The following COL11A1 variants were observed in gnomAD, a reference collection of about 807,000 sequenced individuals.
COL11A1 encodes collagen alpha-1(XI) chain.
Under a neutral mutation model 265.2 loss-of-function variants are expected in COL11A1, and 74 were observed. The observed-to-expected ratio is 0.28, with a 90% CI of 0.23 to 0.34. The LOEUF (loss-of-function observed/expected upper bound fraction) is 0.34, where lower values mean the gene tolerates loss of function less well. Among genes scored for constraint, COL11A1 ranks in the 10% least tolerant of loss-of-function variants. The pLI is 1.00. For synonymous variants in COL11A1, 816 were observed against 727.6 expected (o/e 1.12, Z -1.96); for missense variants, 2,165 against 2,263.6 (o/e 0.96, Z 0.88).
chr1:102,991,915 G>T (rs1220336190), intron 28 of COL11A1, among the ~76,000 whole-genome samples: 1 of 151,216 alleles, frequency 6.6e-6, no homozygotes, highest in Non-Finnish European at 1.5e-5. Flanking sequence ...ATGTGATTGG[G>T]CAATGGCAGA....
At chr1:102,878,803 C>G (rs892481064) in intron 66 of COL11A1, among the ~76,000 whole-genome samples, 9 of 151,778 alleles carry the variant, frequency 5.9e-5, no homozygotes, top group Non-Finnish European at 1.2e-4. Flanking sequence ...GACACCACAC[C>G]CAGCCCCTCC....
chr1:102,910,532 C>T (rs1654530663), intron 54 of COL11A1, among the ~76,000 whole-genome samples: 1 of 152,046 alleles, frequency 6.6e-6, no homozygotes, highest in South Asian at 2.1e-4. Context: ...GCTGCTACCA[C>T]ATTTTGAAGC....
At chr1:103,006,494 C>A (rs1210219830) in intron 15 of COL11A1, among the ~76,000 whole-genome samples, 179 bp from the exon 16 acceptor site, 1 of 137,556 alleles carries the variant, frequency 7.3e-6, no homozygotes, top group Non-Finnish European at 1.6e-5. Context: ...AGGTTCATAT[C>A]AAATAAATAC....
At chr1:103,104,430 A>C (rs928120535) in intron 1 of COL11A1, among the ~76,000 whole-genome samples, 2 of 152,074 alleles carry the variant, frequency 1.3e-5, no homozygotes, top group Non-Finnish European at 2.9e-5. Flanking sequence ...AATTGAAGAA[A>C]ATAAAAAACC....
In COL11A1 at chr1:103,063,184, G is replaced by A. The variant is rs372228721; in HGVS notation, c.651+11434C>T. ...CAATACACTCACAATTAATTTCCCA[G>A]CATGTTATTTTGTGGATCTTTCCAA... On this transcript the variant is annotated intron_variant, in intron 4 of 66. Transcript: ENST00000370096. Among the ~76,000 whole-genome samples, 61 of 152,082 alleles carry A rather than the reference G, an allele frequency of 4.0e-4. No individual in the cohort carries two copies. In the East Asian group the frequency reaches 0.01, roughly 26 times the overall value.
At chr1:102,999,101 G>A (rs116677492) in intron 24 of COL11A1, among the ~76,000 whole-genome samples, 2,691 of 151,906 alleles carry the variant, frequency 0.018, 87 homozygotes, top group African/African-American at 0.062. Context: ...CCAGGTCATC[G>A]TTATTGACAC....
chr1:103,015,196 G>C, intron 12 of COL11A1, among the ~76,000 whole-genome samples: 1 of 151,978 alleles, frequency 6.6e-6, no homozygotes, highest in Non-Finnish European at 1.5e-5. Flanking sequence ...CATTGAAATT[G>C]ATAAATAAAA....
intron 53 of COL11A1, 124 bp downstream of exon 53, chr1:102,913,513 A>T (rs1654944814): frequency 2.2e-6 from 2 of 891,040 alleles, no homozygotes; most frequent in Admixed American, 2.3e-5. Context: ...TTTTTTGATA[A>T]TTCTTTCAAA....
intron 3 of COL11A1, among the ~76,000 whole-genome samples, chr1:103,075,586 C>T (rs936235440): frequency 1.3e-5 from 2 of 152,112 alleles, no homozygotes; most frequent in African/African-American, 2.4e-5. Context: ...CATTCCCTAA[C>T]CATACTGTAA....
chr1:102,929,348 A>C (rs922042901), intron 46 of COL11A1, among the ~76,000 whole-genome samples: 1 of 152,094 alleles, frequency 6.6e-6, no homozygotes, highest in Non-Finnish European at 1.5e-5. Context: ...TTAAATAGGG[A>C]ATCCTTTCCC....
At chr1:102,915,822 C>G in intron 49 of COL11A1, 138 bp from the exon 50 acceptor site, 3 of 700,854 alleles carry the variant, frequency 4.3e-6, no homozygotes, top group Non-Finnish European at 7.1e-6. Context: ...ACTTTAATAA[C>G]AAAAATAAAT....
chr1:102,997,182 T>C (rs1360657700), intron 25 of COL11A1, 58 bp from the exon 26 acceptor site: 1 of 1,361,760 alleles, frequency 7.3e-7, no homozygotes, highest in East Asian at 2.3e-5. Context: ...TTGATAATAC[T>C]ACGAAAGTAT....
At chr1:102,927,429 G>C (rs1656724609) in intron 46 of COL11A1, among the ~76,000 whole-genome samples, 1 of 152,102 alleles carries the variant, frequency 6.6e-6, no homozygotes, top group Non-Finnish European at 1.5e-5. Context: ...AAACAAGCCA[G>C]AATACGGCCA....
chr1:103,088,897 A>G (rs1673085706), intron 1 of COL11A1, among the ~76,000 whole-genome samples: 1 of 152,204 alleles, frequency 6.6e-6, no homozygotes, highest in South Asian at 2.1e-4. Flanking sequence ...GCTGAGGACC[A>G]CTGGAGAAAA....
chr1:103,003,385 T>C lies in COL11A1; in HGVS notation c.1945-117A>G, dbSNP rs77603104. 2.8e-4 allele frequency: 304 copies of C among 1,084,278 alleles called. No homozygotes were observed. The African/African-American group carries it at 3.5e-3, about 13-fold the overall frequency. 67.2% of individuals were successfully genotyped at this position (1,084,278 alleles called of 1,614,324 possible). On this transcript the variant is annotated intron_variant, in intron 20 of 66. Coordinates refer to ENST00000370096, the MANE Select transcript of COL11A1 (RefSeq NM_001854.4). ...TAGAATAAAAATATTTGGACATCTTTTATTAACACACTGAAAGTGATGTCC... is the reference window on the plus strand; with the variant it reads ...TAGAATAAAAATATTTGGACATCTTCTATTAACACACTGAAAGTGATGTCC...
chr1:102,881,855 G>T, intron 64 of COL11A1, 90 bp from the exon 65 acceptor site: 1 of 952,372 alleles, frequency 1.1e-6, no homozygotes, highest in Non-Finnish European at 1.6e-6. Context: ...TTTTCAGTAA[G>T]ACTAAGAAAA....
chr1:103,007,171 A>T (rs973839923), intron 15 of COL11A1, among the ~76,000 whole-genome samples: 3 of 152,168 alleles, frequency 2.0e-5, no homozygotes, highest in African/African-American at 7.2e-5. Context: ...CCTGGTACAC[A>T]TCTCTTTTAA....
chr1:103,039,816 A>T (rs565543199), intron 4 of COL11A1, among the ~76,000 whole-genome samples: 98 of 152,278 alleles, frequency 6.4e-4, no homozygotes, highest in Admixed American at 1.1e-3. Context: ...AAAAAATACA[A>T]AATGGATATT....
intron 43 of COL11A1, among the ~76,000 whole-genome samples, chr1:102,939,486 C>G (rs1217484451): frequency 6.6e-6 from 1 of 152,034 alleles, no homozygotes. Context: ...AAAGGTTGGG[C>G]CCAGGAGTTT....
Sources: allele counts gnomAD v4.1 joint callset (sites outside exome capture counted in the v4.1 genomes callset), GRCh38; gene constraint gnomAD v4.1.1; transcripts MANE v1.5; gene names NCBI Gene and HGNC (gene_info 2026-07-23, HGNC 2026-07-21).